Variants in RBFOX1 observed in about 807,000 individuals in gnomAD.
RBFOX1 encodes the protein RNA binding fox-1 homolog 1.
Under a neutral mutation model 57.7 loss-of-function variants are expected in RBFOX1, and 8 were observed. That is an observed-to-expected ratio of 0.14 (90% CI 0.08 to 0.25). RBFOX1 has a LOEUF of 0.25. RBFOX1 is among the 10% of genes least tolerant of loss of function. The pLI is 1.00. For missense variants in RBFOX1, 611 were observed against 548.5 expected (o/e 1.11, Z -1.14); for synonymous variants, 326 against 222.4 (o/e 1.47, Z -4.15).
At chr16:6,695,625 T>C (rs1401049710) in intron 3 of RBFOX1, among the ~76,000 whole-genome samples, 8 of 152,142 alleles carry the variant, frequency 5.3e-5, no homozygotes, top group Non-Finnish European at 1.2e-4. Flanking sequence ...GAATCTTCTT[T>C]AGGGAGAATA....
intron 4 of RBFOX1, among the ~76,000 whole-genome samples, chr16:7,210,011 C>A (rs188542110): frequency 1.3e-5 from 2 of 152,288 alleles, no homozygotes; most frequent in Non-Finnish European, 2.9e-5. Flanking sequence ...TAAAAATGAT[C>A]ATTCTCCAGT....
chr16:6,681,884 T>C (rs1164977182), intron 3 of RBFOX1, among the ~76,000 whole-genome samples: 1 of 152,226 alleles, frequency 6.6e-6, no homozygotes, highest in Non-Finnish European at 1.5e-5. Context: ...CTTTAGTCTC[T>C]TCTGCTATTC....
rs531241348 is a variant in RBFOX1, at chr16:7,029,444, A to G, written c.-15-22613A>G. ...GCTCTTGTCTTCTCTGTCAAGAAAA[A>G]TCATCTTCAGTCAGGATGGAATAGA... is the stretch of plus-strand genomic sequence containing the variant. On this transcript the variant is annotated intron_variant, in intron 3 of 15. Transcript: ENST00000550418. Among the ~76,000 whole-genome samples, 20 of 151,776 alleles carry G rather than the reference A, an allele frequency of 1.3e-4. No individual in the cohort carries two copies. The East Asian group carries it at 3.9e-3, about 30-fold the overall frequency.
intron 4 of RBFOX1, among the ~76,000 whole-genome samples, chr16:5,918,343 C>G (rs1567146114): frequency 6.6e-6 from 1 of 152,198 alleles, no homozygotes; most frequent in South Asian, 2.1e-4. Context: ...TGGTCTCGAA[C>G]TTCTGACCTC....
intron 3 of RBFOX1, among the ~76,000 whole-genome samples, chr16:6,729,260 T>C (rs1157036400): frequency 6.6e-6 from 1 of 152,200 alleles, no homozygotes; most frequent in African/African-American, 2.4e-5. Flanking sequence ...TGATTTAATT[T>C]ACTTGAGATT....
At chr16:7,606,659 C>A (rs1353254128) in intron 9 of RBFOX1, among the ~76,000 whole-genome samples, 2 of 152,132 alleles carry the variant, frequency 1.3e-5, no homozygotes, top group African/African-American at 4.8e-5. Context: ...TACAGGATTC[C>A]ATTAATCATA....
Position 7,006,665 on chromosome 16 carries a change from C to G in RBFOX1, c.-15-45392C>G, listed in dbSNP as rs758197986. Among the ~76,000 whole-genome samples the G allele has an allele frequency of 2.3e-4, 35 of 152,268 alleles. No individual in the cohort carries two copies. In the Middle Eastern group the frequency reaches 0.014, roughly 59 times the overall value. On this transcript the variant is annotated intron_variant, in intron 3 of 15. Transcript: ENST00000550418. ...GTCTCCCTGTGATGCTCATTCTGAT[C>G]TTGAACTCCTGGACTCAAGTGATCG... is the stretch of plus-strand genomic sequence containing the variant.
intron 11 of RBFOX1, among the ~76,000 whole-genome samples, chr16:7,643,106 C>T (rs2063124637): frequency 6.6e-6 from 1 of 152,162 alleles, no homozygotes; most frequent in Non-Finnish European, 1.5e-5. Flanking sequence ...GGGAGGTAAG[C>T]AGGAACAGCA....
At chr16:6,311,766 G>C (rs1306237766) in intron 1 of RBFOX1, among the ~76,000 whole-genome samples, 1 of 152,164 alleles carries the variant, frequency 6.6e-6, no homozygotes, top group Non-Finnish European at 1.5e-5. Flanking sequence ...GGAGTCACTG[G>C]ATTCCCATGG....
chr16:6,509,832 C>G (rs938519901), intron 2 of RBFOX1, among the ~76,000 whole-genome samples: 2 of 152,118 alleles, frequency 1.3e-5, no homozygotes, highest in African/African-American at 4.8e-5. Context: ...TTCTCCCAAA[C>G]ATGAAAAATA....
chr16:6,052,742 C>T lies in RBFOX1; in HGVS notation c.-127+32750C>T, dbSNP rs1452052438. ...GAGCTTGCAGTGAGCCGAGATCGCGCCACTGCACTCCAGCCTGGGAGACAG... is the reference window on the plus strand; with the variant it reads ...GAGCTTGCAGTGAGCCGAGATCGCGTCACTGCACTCCAGCCTGGGAGACAG... On this transcript the variant is annotated intron_variant, in intron 1 of 15. Transcript: ENST00000550418. Among the ~76,000 whole-genome samples, 9 of 151,330 alleles carry T rather than the reference C, an allele frequency of 5.9e-5. No individual in the cohort carries two copies. The East Asian group carries it at 1.8e-3, about 30-fold the overall frequency.
At chr16:5,445,775 C>G (rs2068222019) in intron 1 of RBFOX1, among the ~76,000 whole-genome samples, 1 of 152,192 alleles carries the variant, frequency 6.6e-6, no homozygotes, top group Admixed American at 6.5e-5. Flanking sequence ...CTAAATTTTT[C>G]TAGATGGCTT....
chr16:5,289,080 G>A (rs1467668373), intron 1 of RBFOX1: 7 of 163,070 alleles, frequency 4.3e-5, no homozygotes, highest in East Asian at 1.6e-4. Context: ...AGCTGAGATC[G>A]TGCCACTGCC....
chr16:6,797,931 G>A (rs1396774872), intron 3 of RBFOX1, among the ~76,000 whole-genome samples: 1 of 152,066 alleles, frequency 6.6e-6, no homozygotes, highest in Admixed American at 6.6e-5. Flanking sequence ...GTATTTTCTT[G>A]TCTTTGAAAT....
At chr16:5,804,170 C>T (rs992823241) in intron 3 of RBFOX1, among the ~76,000 whole-genome samples, 23 of 152,162 alleles carry the variant, frequency 1.5e-4, no homozygotes, top group African/African-American at 5.6e-4. Context: ...TCAAGAGAAG[C>T]ATATTGCTTG....
chr16:7,579,629 A>AATGC (rs1301049845), intron 5 of RBFOX1, 148 bp from the exon 6 acceptor site: 4 of 876,670 alleles, frequency 4.6e-6, no homozygotes, highest in East Asian at 2.6e-5. Context: ...TTGCTGAATG[A>AATGC]ATGCATGCAT....
rs188472453 is a variant in RBFOX1, at chr16:6,937,532, C to G, written c.-15-114525C>G. Among the ~76,000 whole-genome samples, 58 of 152,244 alleles carry G rather than the reference C, an allele frequency of 3.8e-4. 2 individuals carry two copies. In the East Asian group the frequency reaches 0.01, roughly 27 times the overall value. On this transcript the variant is annotated intron_variant, in intron 3 of 15. Transcript: ENST00000550418. Reference sequence around the variant, plus strand: ...CAGACATCAGGAGATCCTGAGAACACACACCCATAGTGGTCAAGGCACAGC... The same window carrying G: ...CAGACATCAGGAGATCCTGAGAACAGACACCCATAGTGGTCAAGGCACAGC...
intron 2 of RBFOX1, among the ~76,000 whole-genome samples, chr16:5,495,337 A>C (rs1172366381): frequency 6.6e-6 from 1 of 152,220 alleles, no homozygotes; most frequent in Non-Finnish European, 1.5e-5. Context: ...GAATCTGCAG[A>C]GAGAGACTGA....
At chr16:5,855,683 C>T (rs945463374) in intron 3 of RBFOX1, among the ~76,000 whole-genome samples, 1 of 152,092 alleles carries the variant, frequency 6.6e-6, no homozygotes, top group Non-Finnish European at 1.5e-5. Context: ...GTTCTTCTTG[C>T]TCAAAATTAT....
Sources: gnomAD v4.1 joint callset for allele counts (sites outside exome capture counted in the v4.1 genomes callset) on GRCh38, gnomAD v4.1.1 for gene constraint, MANE v1.5 for transcripts, NCBI Gene and HGNC (gene_info 2026-07-23, HGNC 2026-07-21) for gene names.